The following PRDM11 variants were observed in gnomAD, a reference collection of about 807,000 sequenced individuals.
The protein encoded by PRDM11 is PR/SET domain 11, also known as PR domain-containing protein 11.
Under a neutral mutation model 97.8 loss-of-function variants are expected in PRDM11, and 20 were observed. The observed-to-expected ratio is 0.20, with a 90% CI of 0.14 to 0.30. The LOEUF (loss-of-function observed/expected upper bound fraction) is 0.30, where lower values mean the gene tolerates loss of function less well. Among genes scored for constraint, PRDM11 ranks in the 10% least tolerant of loss-of-function variants. The probability of loss-of-function intolerance (pLI) is 1.00; values close to 1 mark genes in which losing one functional copy is unlikely to be tolerated. For missense variants in PRDM11, 1,139 were observed against 1,555.2 expected (o/e 0.73, Z 4.50); for synonymous variants, 599 against 637.7 (o/e 0.94, Z 0.91).
chr11:45,149,846 G>C (rs1452219999), intron 1 of PRDM11, among the ~76,000 whole-genome samples: 1 of 152,252 alleles, frequency 6.6e-6, no homozygotes, highest in Non-Finnish European at 1.5e-5. Flanking sequence ...GGGGCTGTTT[G>C]TTACTGCAGC....
At position 45,124,917 on chromosome 11, in the gene PRDM11, C is replaced by T. The variant is rs912844318; in HGVS notation, c.96+29016C>T. ...TGGAATAGTTTCAGAAGGAATGGTA[C>T]CAGCTCCTCCTTGTACCTCTGGTAG... is the stretch of plus-strand genomic sequence containing the variant. On this transcript the variant is annotated intron_variant, in intron 1 of 6. Coordinates refer to the PRDM11 transcript ENST00000530656. Among the ~76,000 whole-genome samples the T allele has an allele frequency of 2.0e-4, 31 of 152,020 alleles. 1 individual carries two copies. The East Asian group carries it at 2.1e-3, about 10-fold the overall frequency.
In PRDM11 at chr11:45,139,554, G is replaced by A. The variant is rs375151878; in HGVS notation, c.97-42207G>A. ...TGCACTCCAGCCTGGGTGACAGGGC[G>A]AGACTCCAACTCACAAAAAAAAAAA... On this transcript the variant is annotated intron_variant, in intron 1 of 6. Transcript: ENST00000530656. Among the ~76,000 whole-genome samples, 8 of 132,140 alleles carry A rather than the reference G, an allele frequency of 6.1e-5. No individual in the cohort carries two copies. The South Asian group carries it at 9.9e-4, about 16-fold the overall frequency. The allele number at this position is 132,140 out of a possible 152,430, so 86.7% of individuals were successfully genotyped here.
chr11:45,116,010 G>A (rs1306998912), intron 1 of PRDM11, among the ~76,000 whole-genome samples: 1 of 150,834 alleles, frequency 6.6e-6, no homozygotes, highest in African/African-American at 2.4e-5. Flanking sequence ...AAAACAATCA[G>A]TATCAGCTGA....
intron 1 of PRDM11, among the ~76,000 whole-genome samples, chr11:45,158,303 C>A (rs892206456): frequency 6.6e-6 from 1 of 152,182 alleles, no homozygotes; most frequent in Non-Finnish European, 1.5e-5. Flanking sequence ...CTGTTGGAAG[C>A]GCCTCTCCTG....
At chr11:45,105,616 C>A (rs1054144174) in intron 1 of PRDM11, among the ~76,000 whole-genome samples, 1 of 152,260 alleles carries the variant, frequency 6.6e-6, no homozygotes, top group African/African-American at 2.4e-5. Flanking sequence ...GCCATGGAAG[C>A]AGCTGGGCCT....
chr11:45,174,652 A>G (rs1026690042), intron 1 of PRDM11, among the ~76,000 whole-genome samples: 2 of 152,232 alleles, frequency 1.3e-5, no homozygotes, highest in Non-Finnish European at 2.9e-5. Context: ...GCAGGATCTC[A>G]GCATCTAATG....
chr11:45,224,859 TGA>T lies in PRDM11; in HGVS notation c.1369+19_1369+20del, dbSNP rs753229340. 5 of 1,608,420 alleles carry T rather than the reference TGA, an allele frequency of 3.1e-6. No homozygotes were observed. The African/African-American group carries it at 5.3e-5, about 17-fold the overall frequency. ...GACCCTGCAGGTAAGTTGGTTTGGA[TGA>T]GATTATTGTCGGAGGGCAGAGTACG... On this transcript the variant is annotated intron_variant, in intron 7 of 7. Coordinates refer to ENST00000683152, the MANE Select transcript of PRDM11 (RefSeq NM_001384648.1).
intron 1 of PRDM11, among the ~76,000 whole-genome samples, chr11:45,116,796 T>G (rs891741231): frequency 6.6e-6 from 1 of 152,110 alleles, no homozygotes; most frequent in African/African-American, 2.4e-5. Flanking sequence ...ATTCTAGAAC[T>G]GGGGAAGGAA....
chr11:45,227,726 G>A lies in PRDM11; in HGVS notation c.3101G>A (p.Arg1034Gln), dbSNP rs1432683092. The A allele has an allele frequency of 1.1e-5, 17 of 1,533,768 alleles. No homozygotes were observed. Among genetic ancestry groups the A allele is most frequent in the East Asian group, 9.8e-5 (4 of 40,924 alleles). Residue 1034 changes from arginine to glutamine, a missense_variant, in exon 8 of 8, where the codon CGG becomes CAG. Around this residue, in one of 2 missense-constraint regions of PRDM11, gnomAD observed 710 missense variants for 1,044.9 expected, o/e 0.68. Coordinates refer to ENST00000683152, the MANE Select transcript of PRDM11 (RefSeq NM_001384648.1). The surrounding 1 kb of genome is among the most constrained non-coding windows in gnomAD (Gnocchi z 8.0). Reference protein sequence around the residue: ...RDVCREGLDPRGSLLMEWREL... With the variant: ...RDVCREGLDPQGSLLMEWREL... ...GTCTGTAGGGAAGGGCTGGACCCCCGGGGTAGTCTGTTGATGGAGTGGCGA... is the reference window on the plus strand; with the variant it reads ...GTCTGTAGGGAAGGGCTGGACCCCCAGGGTAGTCTGTTGATGGAGTGGCGA...
At chr11:45,171,308 C>T (rs1042955377) in intron 1 of PRDM11, among the ~76,000 whole-genome samples, 1 of 152,148 alleles carries the variant, frequency 6.6e-6, no homozygotes, top group African/African-American at 2.4e-5. Context: ...CCATGTTAGC[C>T]AGGCTGGTCT....
rs1342730680 is a variant in PRDM11, at chr11:45,226,736, G to C, written c.2111G>C (p.Ser704Thr). ...GAGCTGGGATTCTCTAGCACAGAAA[G>C]CTATCTCCAGGCACTTGACCGGGCC... ...LQELGFSSTE[S>T]YLQALDRAFS... Residue 704 changes from serine (S) to threonine (T), a missense_variant, in exon 8 of 8, where the codon AGC becomes ACC. Around this residue, in one of 2 missense-constraint regions of PRDM11, gnomAD observed 710 missense variants for 1,044.9 expected, o/e 0.68. Coordinates refer to ENST00000683152, the MANE Select transcript of PRDM11 (RefSeq NM_001384648.1). 2 of 1,533,988 alleles carry C rather than the reference G, an allele frequency of 1.3e-6. No homozygotes were observed. The highest frequency in any genetic ancestry group is 2.3e-4 in the Middle Eastern group (1 of 4,358).
At chr11:45,193,828 G>C (rs1400344220) in intron 4 of PRDM11, among the ~76,000 whole-genome samples, 1 of 152,146 alleles carries the variant, frequency 6.6e-6, no homozygotes, top group East Asian at 1.9e-4. Flanking sequence ...CTGCAGTTTG[G>C]CTGACATAGC....
At chr11:45,214,689 G>A (rs990674653) in intron 5 of PRDM11, 11 of 152,186 alleles carry the variant, frequency 7.2e-5, no homozygotes, top group Admixed American at 5.2e-4. Flanking sequence ...ATTGCCTTCC[G>A]AAGTATTTTT....
intron 1 of PRDM11, among the ~76,000 whole-genome samples, chr11:45,127,585 G>A (rs1348922670): frequency 6.6e-6 from 1 of 152,244 alleles, no homozygotes. Context: ...GTCTGTTGGA[G>A]TTTGCTAGAA....
rs1337629632 is a variant in PRDM11, at chr11:45,228,022, C to G, written c.3397C>G (p.Leu1133Val). 15 of 1,533,732 alleles carry G rather than the reference C, an allele frequency of 9.8e-6. No homozygotes were observed. The East Asian group carries it at 3.4e-4, about 35-fold the overall frequency. ...CACCAACTTTGATGCCAAGCGAGCC[C>G]TGGACAGCTGGTTTGAGGAGAAGTC... ...PITNFDAKRA[L>V]DSWFEEKSGN... Residue 1133 changes from leucine to valine, a missense_variant, in exon 8 of 8, where the codon CTG becomes GTG. Physicochemically the swap from Leu to Val is conservative, Grantham distance 32 (BLOSUM62 1). Coordinates refer to ENST00000683152, the MANE Select transcript of PRDM11 (RefSeq NM_001384648.1).
In PRDM11 at chr11:45,227,025, C is replaced by T. The variant is rs932521600; in HGVS notation, c.2400C>T (p.Arg800=). The change falls in exon 8 of 8, where the codon CGC becomes CGT. Residue 800 remains arginine (R), a synonymous_variant. Transcript: ENST00000683152. This position sits in a 1 kb window ranked among gnomAD's most constrained non-coding sequence, Gnocchi z 8.0. Reference sequence around the variant, plus strand: ...TGAGCTTCTACCGCTACTCACCGCGCCTCATGTGCGAGCTGCGGTCCACGG... The same window carrying T: ...TGAGCTTCTACCGCTACTCACCGCGTCTCATGTGCGAGCTGCGGTCCACGG... ...QLLSFYRYSP[R]LMCELRSTAA... is the part of the protein sequence containing the mutation. 100 of 1,533,836 alleles carry T rather than the reference C, an allele frequency of 6.5e-5. No homozygotes were observed. The highest frequency in any genetic ancestry group is 8.1e-5 in the Non-Finnish European group (93 of 1,146,736).
chr11:45,096,014 A>G (rs904241464), intron 1 of PRDM11: 4 of 701,938 alleles, frequency 5.7e-6, no homozygotes, highest in African/African-American at 1.8e-5. Context: ...GCTTGTTGTC[A>G]TCTTCTCATT....
chr11:45,153,536 G>A (rs1851713365), intron 1 of PRDM11, among the ~76,000 whole-genome samples: 1 of 152,240 alleles, frequency 6.6e-6, no homozygotes, highest in Non-Finnish European at 1.5e-5. Context: ...AGTGGACATG[G>A]GGGAGGCATG....
At chr11:45,142,232 T>C (rs750637668), upstream of PRDM11, among the ~76,000 whole-genome samples, 7 of 152,184 alleles carry the variant, frequency 4.6e-5, no homozygotes, top group Non-Finnish European at 1.0e-4. Flanking sequence ...TGGAAAACCC[T>C]GGCAGAGATC....
Sources: gnomAD v4.1 joint callset for allele counts (sites outside exome capture counted in the v4.1 genomes callset) on GRCh38, gnomAD v4.1.1 for gene constraint, gnomAD v4.1.1 regional missense constraint, Gnocchi (gnomAD v3.1) non-coding constraint, MANE v1.5 for transcripts, NCBI Gene and HGNC (gene_info 2026-07-23, HGNC 2026-07-21) for gene names.